The following RIMS3 variants were observed in gnomAD, a reference collection of about 807,000 sequenced individuals.
The protein encoded by RIMS3 is regulating synaptic membrane exocytosis 3, also known as regulating synaptic membrane exocytosis protein 3.
In RIMS3, 15 loss-of-function variants were observed where a neutral mutation model predicts 29.2. That is an observed-to-expected ratio of 0.51 (90% CI 0.34 to 0.79). The LOEUF is 0.79. Among genes scored for constraint, RIMS3 ranks in the 30% least tolerant of loss-of-function variants. RIMS3 has a pLI of 0.01. For synonymous variants in RIMS3, 161 were observed against 170.1 expected (o/e 0.95, Z 0.41); for missense variants, 342 against 421.4 (o/e 0.81, Z 1.65).
At chr1:40,676,574 C>A in the RIMS3 span, among the ~76,000 whole-genome samples, 3 of 152,164 alleles carry the variant, frequency 2.0e-5, no homozygotes, top group Non-Finnish European at 4.4e-5. Flanking sequence ...CCTACGTACC[C>A]CCTTAATACT....
chr1:40,681,290 C>A, the RIMS3 span, among the ~76,000 whole-genome samples: 1 of 152,080 alleles, frequency 6.6e-6, no homozygotes, highest in Non-Finnish European at 1.5e-5. Context: ...AGAAGCTTGG[C>A]AAGAAGGCAA....
At chr1:40,640,955 T>C (rs985439016) in intron 3 of RIMS3, among the ~76,000 whole-genome samples, 1 of 152,198 alleles carries the variant, frequency 6.6e-6, no homozygotes, top group African/African-American at 2.4e-5. Flanking sequence ...AATTACTCTA[T>C]TATGCTTCCC....
chr1:40,649,186 G>GAC (rs5773699), intron 1 of RIMS3, among the ~76,000 whole-genome samples: 68 of 150,922 alleles, frequency 4.5e-4, no homozygotes, highest in East Asian at 9.7e-4. Context: ...TGCATGCACA[G>GAC]ACACACACAC....
chr1:40,685,650 G>A, the RIMS3 span, among the ~76,000 whole-genome samples: 1 of 152,090 alleles, frequency 6.6e-6, no homozygotes, highest in African/African-American at 2.4e-5. Flanking sequence ...TATGAGCAGC[G>A]TATGGGAAGT....
intron 1 of RIMS3, among the ~76,000 whole-genome samples, chr1:40,656,560 G>T (rs1017096816): frequency 2.0e-5 from 3 of 152,052 alleles, no homozygotes; most frequent in Non-Finnish European, 4.4e-5. Context: ...AAGGCAGGTG[G>T]ATCAACTGAG....
At chr1:40,688,319 AG>A in the RIMS3 span, among the ~76,000 whole-genome samples, 1 of 152,186 alleles carries the variant, frequency 6.6e-6, no homozygotes, top group Non-Finnish European at 1.5e-5. Flanking sequence ...GTGTGGCTTA[AG>A]GAAGTCCAGC....
At chr1:40,673,752 CCT>C in the RIMS3 span, among the ~76,000 whole-genome samples, 1 of 152,182 alleles carries the variant, frequency 6.6e-6, no homozygotes, top group South Asian at 2.1e-4. Context: ...AAGATGGTCC[CCT>C]GTGCTCTAAC....
In RIMS3 at chr1:40,654,693, C is replaced by T. The variant is rs994406698; in HGVS notation, c.-206-6851G>A. On this transcript the variant is annotated intron_variant, in intron 1 of 7. Transcript: ENST00000372684. This position sits in a 1 kb window ranked among gnomAD's most constrained non-coding sequence, Gnocchi z 5.3. ...AACTCGCACGCTGCAGAAAAACTCC[C>T]TCGCAGAGAACTGCAGACATATCGC... 6.6e-6 allele frequency among the ~76,000 whole-genome samples: 1 copy of T among 152,020 alleles called. No individual in the cohort carries two copies. Among genetic ancestry groups the T allele is most frequent in the African/African-American group, 2.4e-5 (1 of 41,384 alleles).
rs1646447162 is a variant in RIMS3 at position 40,625,433 on chromosome 1, C to T, written c.*1084G>A. ...CTGGAAATGCACAAAAACTGGAGCC[C>T]CAAATGAACAACTTCATGCAGTGAA... On this transcript the variant is annotated 3_prime_UTR_variant, in exon 8 of 8. Coordinates refer to ENST00000372684, the MANE Select transcript of RIMS3 (RefSeq NM_014747.3). 1 of 152,576 alleles carries T rather than the reference C, an allele frequency of 6.6e-6. No homozygotes were observed. The highest frequency in any genetic ancestry group is 1.5e-5 in the Non-Finnish European group (1 of 68,052). The allele number at this position is 152,576 out of a possible 1,614,324, so 9.5% of individuals were successfully genotyped here.
chr1:40,635,699 A>G lies in RIMS3; in HGVS notation c.359+217T>C, dbSNP rs1202030286. Reference sequence around the variant, plus strand: ...CCTGAAACATACAGAAGGAACTGATAGCTCCTGGGTATCTGGATATTCCAA... The same window carrying G: ...CCTGAAACATACAGAAGGAACTGATGGCTCCTGGGTATCTGGATATTCCAA... On this transcript the variant is annotated intron_variant, in intron 4 of 7. Transcript: ENST00000372684. This position sits in a 1 kb window ranked among gnomAD's most constrained non-coding sequence, Gnocchi z 4.1. 1.3e-5 allele frequency among the ~76,000 whole-genome samples: 2 copies of G among 152,234 alleles called. No homozygotes were observed. The highest frequency in any genetic ancestry group is 3.8e-4 in the East Asian group (2 of 5,202).
intron 3 of RIMS3, among the ~76,000 whole-genome samples, chr1:40,640,176 G>A (rs982271178): frequency 4.6e-5 from 7 of 152,140 alleles, no homozygotes; most frequent in South Asian, 2.1e-4. Flanking sequence ...ACACCTCCAC[G>A]ACCTTCTAAT....
chr1:40,664,233 C>T (rs1642393412), intron 1 of RIMS3, among the ~76,000 whole-genome samples: 1 of 152,084 alleles, frequency 6.6e-6, no homozygotes, highest in Non-Finnish European at 1.5e-5. Flanking sequence ...CCCAGCACAT[C>T]CCTGCCAACC....
intron 1 of RIMS3, among the ~76,000 whole-genome samples, chr1:40,660,837 G>A (rs1642341687): frequency 6.6e-6 from 1 of 152,064 alleles, no homozygotes; most frequent in Admixed American, 6.5e-5. Flanking sequence ...CAGGACCTAG[G>A]GGCAGAGTGA....
intron 2 of RIMS3, among the ~76,000 whole-genome samples, chr1:40,644,769 G>A (rs1646583786): frequency 6.6e-6 from 1 of 152,212 alleles, no homozygotes; most frequent in African/African-American, 2.4e-5. Context: ...CACCCTACTG[G>A]CTCTGTCCTA....
intron 1 of RIMS3, among the ~76,000 whole-genome samples, chr1:40,650,031 C>T (rs1025564526): frequency 2.6e-5 from 4 of 152,164 alleles, no homozygotes; most frequent in South Asian, 4.1e-4. Flanking sequence ...GGCCTCAGGG[C>T]ACCACATGGG....
Position 40,635,996 on chromosome 1 carries a change from C to A in RIMS3, c.279G>T (p.Val93=), listed in dbSNP as rs139978373. Residue 93 remains valine, a synonymous_variant, in exon 4 of 8, where the codon GTG becomes GTT. Transcript: ENST00000372684. This position sits in a 1 kb window ranked among gnomAD's most constrained non-coding sequence, Gnocchi z 4.1. The part of the protein sequence containing the change: ...IRRSTETGIA[V]EMRSRVTRQG... ...GGCGTGTGACCCGGCTCCGCATCTCCACCGCGATGCCTGTCTCCGTGCTCC... is the reference window on the plus strand; with the variant it reads ...GGCGTGTGACCCGGCTCCGCATCTCAACCGCGATGCCTGTCTCCGTGCTCC... 51 of 1,609,920 alleles carry A rather than the reference C, an allele frequency of 3.2e-5. No individual in the cohort carries two copies. Among genetic ancestry groups the A allele is most frequent in the Middle Eastern group, 1.7e-4 (1 of 6,058 alleles).
chr1:40,691,687 G>C, the RIMS3 span: 2 of 451,166 alleles, frequency 4.4e-6, no homozygotes, highest in Non-Finnish European at 4.5e-6. Flanking sequence ...GAGGGGGAAG[G>C]GAAAAGGGGA....
chr1:40,687,669 C>G, the RIMS3 span: 1 of 151,110 alleles, frequency 6.6e-6, no homozygotes, highest in South Asian at 2.1e-4. Flanking sequence ...TTCTACCACT[C>G]ACTTCCCGTA....
chr1:40,634,514 A>G (rs904581699), intron 4 of RIMS3, among the ~76,000 whole-genome samples: 2 of 152,220 alleles, frequency 1.3e-5, no homozygotes, highest in African/African-American at 4.8e-5. Context: ...AATGGCCTTA[A>G]TTCCAATTCT....
Sources: gnomAD v4.1 joint callset for allele counts (sites outside exome capture counted in the v4.1 genomes callset) on GRCh38, gnomAD v4.1.1 for gene constraint, Gnocchi (gnomAD v3.1) non-coding constraint, MANE v1.5 for transcripts, NCBI Gene and HGNC (gene_info 2026-07-23, HGNC 2026-07-21) for gene names.